GRIN2A: variants seen among roughly 807,000 people sequenced by gnomAD.
GRIN2A encodes the protein glutamate receptor ionotropic, NMDA 2A.
GRIN2A carries 22 observed loss-of-function variants against 113.4 expected under a neutral mutation model. The ratio of observed to expected loss-of-function variants is 0.19; its 90% CI spans 0.14 to 0.28. The LOEUF is 0.28. Among genes scored for constraint, GRIN2A ranks in the 10% least tolerant of loss-of-function variants. The pLI is 1.00. For synonymous variants in GRIN2A, 827 were observed against 738.4 expected (o/e 1.12, Z -1.94); for missense variants, 1,502 against 1,887.0 (o/e 0.80, Z 3.78).
chr16:9,832,565 A>AT (rs1194064447), intron 8 of GRIN2A, among the ~76,000 whole-genome samples: 1 of 152,160 alleles, frequency 6.6e-6, no homozygotes, highest in African/African-American at 2.4e-5. Flanking sequence ...TCTCTATTTG[A>AT]TTTACCACAT....
At chr16:10,034,420 G>C (rs1292460170) in intron 2 of GRIN2A, among the ~76,000 whole-genome samples, 11 of 151,708 alleles carry the variant, frequency 7.3e-5, no homozygotes, top group African/African-American at 2.7e-4. Context: ...TGCTACTCGG[G>C]AGGCTGAGGC....
At chr16:10,113,101 CG>C (rs1555482538) in intron 2 of GRIN2A, among the ~76,000 whole-genome samples, 2 of 140,796 alleles carry the variant, frequency 1.4e-5, no homozygotes, top group Non-Finnish European at 3.2e-5. Context: ...TGCCTGGGGG[CG>C]CCCCCCAGCC....
chr16:9,808,946 A>T (rs2042034165), intron 10 of GRIN2A, among the ~76,000 whole-genome samples: 1 of 152,180 alleles, frequency 6.6e-6, no homozygotes, highest in East Asian at 1.9e-4. Context: ...GAAAATGCTT[A>T]AAAATATTCT....
intron 2 of GRIN2A, among the ~76,000 whole-genome samples, chr16:10,117,214 A>G (rs2048744310): frequency 6.6e-6 from 1 of 152,240 alleles, no homozygotes; most frequent in Non-Finnish European, 1.5e-5. Flanking sequence ...TCCAAGTGGA[A>G]GCAAGATGGT....
At position 9,923,493 on chromosome 16, in the gene GRIN2A, C is replaced by A. The variant is rs377448498; in HGVS notation, c.1007+14466G>T. Among the ~76,000 whole-genome samples the A allele has an allele frequency of 3.9e-5, 6 of 152,160 alleles. No homozygotes were observed. The East Asian group carries it at 9.7e-4, about 25-fold the overall frequency. Reference sequence around the variant, plus strand: ...CTAATCTTTGTTCTCTTTTTCCTTTCTACTTACCTTCTTTTGATAAGTTGA... The same window carrying A: ...CTAATCTTTGTTCTCTTTTTCCTTTATACTTACCTTCTTTTGATAAGTTGA... On this transcript the variant is annotated intron_variant, in intron 3 of 12. Coordinates refer to ENST00000330684, the MANE Select transcript of GRIN2A (RefSeq NM_001134407.3).
intron 2 of GRIN2A, among the ~76,000 whole-genome samples, chr16:10,039,731 C>G (rs1173303450): frequency 6.9e-6 from 1 of 145,714 alleles, no homozygotes; most frequent in Admixed American, 6.9e-5. Flanking sequence ...CCCCTCCCTC[C>G]CTCAGCAATG....
chr16:9,862,413 G>A (rs912005839), intron 4 of GRIN2A, among the ~76,000 whole-genome samples: 2 of 152,126 alleles, frequency 1.3e-5, no homozygotes, highest in Non-Finnish European at 2.9e-5. Context: ...TACTGATCTG[G>A]TAATTCATAG....
chr16:9,827,580 G>A (rs1567327602), intron 9 of GRIN2A, among the ~76,000 whole-genome samples: 1 of 152,214 alleles, frequency 6.6e-6, no homozygotes, highest in Non-Finnish European at 1.5e-5. Context: ...ACACAGATTA[G>A]TCTTTGGTTA....
chr16:9,774,664 G>A (rs962633659), intron 11 of GRIN2A, among the ~76,000 whole-genome samples: 1 of 152,250 alleles, frequency 6.6e-6, no homozygotes, highest in Non-Finnish European at 1.5e-5. Flanking sequence ...GAGAGGTTAA[G>A]GAGTTTGCTT....
intron 3 of GRIN2A, among the ~76,000 whole-genome samples, chr16:9,903,219 C>T (rs556630474): frequency 3.3e-5 from 5 of 152,184 alleles, no homozygotes; most frequent in South Asian, 2.1e-4. Context: ...TCCGCCACCT[C>T]GGCCTCCCAA....
chr16:9,878,253 A>T (rs955629168), intron 4 of GRIN2A, among the ~76,000 whole-genome samples: 2 of 152,170 alleles, frequency 1.3e-5, no homozygotes, highest in Admixed American at 6.5e-5. Flanking sequence ...CTATTAAAAT[A>T]CTGCTTGGGC....
chr16:9,884,059 T>C (rs559407804), intron 4 of GRIN2A, among the ~76,000 whole-genome samples: 106 of 152,346 alleles, frequency 7.0e-4, no homozygotes, highest in African/African-American at 2.4e-3. Context: ...TCTTTCTCAA[T>C]ATATATCCCT....
At chr16:10,083,500 CT>C (rs1341218272) in intron 2 of GRIN2A, among the ~76,000 whole-genome samples, 1 of 152,208 alleles carries the variant, frequency 6.6e-6, no homozygotes, top group African/African-American at 2.4e-5. Context: ...ATCTAAATCA[CT>C]GAGTAAGGCC....
At chr16:9,880,541 G>A (rs2043458196) in intron 4 of GRIN2A, among the ~76,000 whole-genome samples, 1 of 152,126 alleles carries the variant, frequency 6.6e-6, no homozygotes, top group Admixed American at 6.5e-5. Context: ...TTTCTGCCAT[G>A]TGGCCTAATA....
chr16:9,886,417 C>A (rs926383680), intron 4 of GRIN2A, among the ~76,000 whole-genome samples: 2 of 151,994 alleles, frequency 1.3e-5, no homozygotes, highest in African/African-American at 2.4e-5. Flanking sequence ...ATGAAGGAAC[C>A]CAGTATATAC....
Position 9,755,412 on chromosome 16 carries a change from AT to A in GRIN2A, c.*7736del, listed in dbSNP as rs1173903410. 4.9e-5 allele frequency: 9 copies of A among 184,854 alleles called. No homozygotes were observed. Among genetic ancestry groups the A allele is most frequent in the African/African-American group, 1.9e-4 (8 of 42,704 alleles). 11.5% of individuals were successfully genotyped at this position (184,854 alleles called of 1,614,324 possible). A position where few individuals can be genotyped will look rare whatever the true frequency, so the allele number is the denominator to read the frequency against. ...CAACAACAGGATCTCCAAATAACAA[AT>A]AATAATCTTTCTGTCTTAAAAGGCT... On this transcript the variant is annotated 3_prime_UTR_variant, in exon 13 of 13. Transcript: ENST00000330684.
chr16:9,873,995 T>C (rs1465294361), intron 4 of GRIN2A, among the ~76,000 whole-genome samples: 2 of 152,232 alleles, frequency 1.3e-5, no homozygotes, highest in African/African-American at 2.4e-5. Flanking sequence ...TTGGTTTCTA[T>C]GAGTCATTCT....
intron 2 of GRIN2A, among the ~76,000 whole-genome samples, chr16:10,175,639 T>A (rs948825186): frequency 3.9e-5 from 6 of 152,176 alleles, no homozygotes; most frequent in African/African-American, 1.4e-4. Context: ...AACAGTTTTT[T>A]TAAAAATCTG....
chr16:9,781,656 C>G (rs7205117), intron 11 of GRIN2A, among the ~76,000 whole-genome samples: 19 of 152,108 alleles, frequency 1.2e-4, no homozygotes, highest in African/African-American at 4.3e-4. Context: ...TCACTGCACC[C>G]AGGGTTAACA....
Sources: gnomAD v4.1 joint callset for allele counts (sites outside exome capture counted in the v4.1 genomes callset) on GRCh38, gnomAD v4.1.1 for gene constraint, MANE v1.5 for transcripts, NCBI Gene and HGNC (gene_info 2026-07-23, HGNC 2026-07-21) for gene names.